The following LHX4 variants were observed in gnomAD, a reference collection of about 807,000 sequenced individuals.
LHX4 encodes LIM/homeobox protein Lhx4.
In LHX4, 16 loss-of-function variants were observed where a neutral mutation model predicts 39.2. The observed-to-expected ratio is 0.41, with a 90% CI of 0.28 to 0.62. The LOEUF (loss-of-function observed/expected upper bound fraction) is 0.62. Among genes scored for constraint, LHX4 ranks in the 20% least tolerant of loss-of-function variants. The probability of loss-of-function intolerance (pLI) is 0.33; values close to 1 mark genes in which losing one functional copy is unlikely to be tolerated. For synonymous variants in LHX4, 206 were observed against 198.1 expected, an observed-to-expected ratio of 1.04 and a Z score of -0.33; for missense variants, 439 against 511.9, an observed-to-expected ratio of 0.86 and a Z score of 1.37.
chr1:180,238,984 A>G (rs1419177444), intron 1 of LHX4, among the ~76,000 whole-genome samples: 1 of 152,210 alleles, frequency 6.6e-6, no homozygotes, highest in Non-Finnish European at 1.5e-5. Context: ...TGACCAGAAA[A>G]CAGGATTTTA....
At position 180,277,363 on chromosome 1, in the gene LHX4, T is replaced by C. The variant is rs1443985930; in HGVS notation, c.*2784T>C. 6.6e-6 allele frequency: 1 copy of C among 152,206 alleles called. No individual in the cohort carries two copies. The highest frequency in any genetic ancestry group is 2.4e-5 in the African/African-American group (1 of 41,446). 9.4% of individuals were successfully genotyped at this position (152,206 alleles called of 1,614,324 possible). A position where few individuals can be genotyped will look rare whatever the true frequency, so the allele number is the denominator to read the frequency against. On this transcript the variant is annotated 3_prime_UTR_variant, in exon 6 of 6. Coordinates refer to ENST00000263726, the MANE Select transcript of LHX4 (RefSeq NM_033343.4). The stretch of plus-strand genomic sequence containing the variant: ...GGTATAAGGTGCTACATGGTAGCTG[T>C]TTCCCCCCTTGCTAAAATGACATGG...
chr1:180,267,417 C>T (rs1648367292), intron 3 of LHX4, among the ~76,000 whole-genome samples: 1 of 152,256 alleles, frequency 6.6e-6, no homozygotes, highest in African/African-American at 2.4e-5. Context: ...TTGGGCAGCC[C>T]GGGGACTTTC....
chr1:180,252,134 TG>T (rs1327714970), intron 2 of LHX4, among the ~76,000 whole-genome samples: 1 of 152,186 alleles, frequency 6.6e-6, no homozygotes, highest in East Asian at 1.9e-4. Context: ...GCTGGCCACC[TG>T]GGGCTCTGGG....
chr1:180,258,681 A>G (rs1647974927), intron 2 of LHX4, among the ~76,000 whole-genome samples: 3 of 152,034 alleles, frequency 2.0e-5, no homozygotes, highest in Non-Finnish European at 2.9e-5. Context: ...GTTCACTTCT[A>G]TTGTCTCACC....
upstream of LHX4, among the ~76,000 whole-genome samples, chr1:180,229,967 G>GGGGGGC (rs1422396560): frequency 2.5e-4 from 32 of 126,616 alleles, no homozygotes; most frequent in Non-Finnish European, 4.1e-4. Context: ...GGCGGGGAGG[G>GGGGGGC]GGGGGGGGTG....
rs1163188603 is a variant in LHX4, at chr1:180,272,108, T to C, written c.778+102T>C. 24 of 1,057,902 alleles carry C rather than the reference T, an allele frequency of 2.3e-5. No individual in the cohort carries two copies. In the Admixed American group the frequency reaches 6.5e-4, roughly 29 times the overall value. 65.5% of individuals were successfully genotyped at this position (1,057,902 alleles called of 1,614,324 possible). A position where few individuals can be genotyped will look rare whatever the true frequency, so the allele number is the denominator to read the frequency against. On this transcript the variant is annotated intron_variant, in intron 5 of 5. Transcript: ENST00000263726. Reference sequence around the variant, plus strand: ...GGATCTTTCTTGAGGCCTTGGCAACTCCCTCCTGAACACAGGCTTTTCCTT... The same window carrying C: ...GGATCTTTCTTGAGGCCTTGGCAACCCCCTCCTGAACACAGGCTTTTCCTT...
chr1:180,262,824 G>T (rs1648163462), intron 2 of LHX4, among the ~76,000 whole-genome samples: 1 of 152,114 alleles, frequency 6.6e-6, no homozygotes, highest in African/African-American at 2.4e-5. Context: ...TCATTCATTG[G>T]GTCTTTGTGG....
At chr1:180,243,225 A>G (rs1297161349) in intron 1 of LHX4, among the ~76,000 whole-genome samples, 1 of 151,864 alleles carries the variant, frequency 6.6e-6, no homozygotes, top group African/African-American at 2.4e-5. Context: ...CCGGCCTCAA[A>G]TGATCTGCCT....
chr1:180,249,283 A>C (rs1481736588), intron 2 of LHX4, among the ~76,000 whole-genome samples: 1 of 152,230 alleles, frequency 6.6e-6, no homozygotes, highest in Non-Finnish European at 1.5e-5. Context: ...GGGGTTCATC[A>C]AAAACTTCCT....
rs1664276853 is a variant in LHX4 at position 180,234,950 on chromosome 1, T to C, written c.76+4345T>C. On this transcript the variant is annotated intron_variant, in intron 1 of 5. Coordinates refer to ENST00000263726, the MANE Select transcript of LHX4 (RefSeq NM_033343.4). The surrounding 1 kb of genome is among the most constrained non-coding windows in gnomAD (Gnocchi z 4.8). ...GGTGGCCCGGGGAACAGACGATGAATTCTTTAAATGAGCGTTTGCTGCGCA... is the reference window on the plus strand; with the variant it reads ...GGTGGCCCGGGGAACAGACGATGAACTCTTTAAATGAGCGTTTGCTGCGCA... Among the ~76,000 whole-genome samples, 1 of 152,120 alleles carries C rather than the reference T, an allele frequency of 6.6e-6. No individual in the cohort carries two copies. The highest frequency in any genetic ancestry group is 6.5e-5 in the Admixed American group (1 of 15,282).
At chr1:180,268,895 T>G (rs1019731699) in intron 3 of LHX4, among the ~76,000 whole-genome samples, 4 of 152,138 alleles carry the variant, frequency 2.6e-5, no homozygotes, top group Admixed American at 1.3e-4. Context: ...TAATTCCTCC[T>G]TGCTACTCTC....
At chr1:180,241,167 G>C (rs1165581747) in intron 1 of LHX4, among the ~76,000 whole-genome samples, 2 of 152,206 alleles carry the variant, frequency 1.3e-5, no homozygotes, top group Admixed American at 1.3e-4. Context: ...TGTTCGGAGA[G>C]ACCAAGATTT....
intron 1 of LHX4, among the ~76,000 whole-genome samples, chr1:180,244,031 G>A (rs527611708): frequency 2.8e-4 from 43 of 152,256 alleles, no homozygotes; most frequent in South Asian, 2.7e-3. Context: ...TGGGCACATC[G>A]CCTGATCTCG....
chr1:180,274,636 T>A lies in LHX4; in HGVS notation c.*57T>A. The A allele has an allele frequency of 6.7e-6, 10 of 1,491,646 alleles. No homozygotes were observed. The highest frequency in any genetic ancestry group is 8.9e-6 in the Non-Finnish European group (10 of 1,123,162). 92.4% of individuals were successfully genotyped at this position (1,491,646 alleles called of 1,614,324 possible). On this transcript the variant is annotated 3_prime_UTR_variant, in exon 6 of 6. Transcript: ENST00000263726. ...TGGCTTGAGAGAATATCTTCAAGGA[T>A]CAAAAGAGACTTGCCTTTTAAGGAT...
Position 180,230,605 on chromosome 1 carries a change from C to T in LHX4, c.76C>T (p.Gln26Ter). Residue 26 changes from glutamine to a stop codon, truncating the protein, a stop_gained and splice_region_variant, in exon 1 of 6, where the codon CAG becomes TAG. Coordinates refer to ENST00000263726, the MANE Select transcript of LHX4 (RefSeq NM_033343.4). LOFTEE classifies it high-confidence loss of function. The surrounding 1 kb of genome is among the most constrained non-coding windows in gnomAD (Gnocchi z 5.8). Reference protein sequence around the residue: ...LPEMLGVPMQQIPQCAGCNQH... With the variant: ...LPEMLGVPMQ ...GGAGATGCTAGGTGTGCCGATGCAA[C>T]GTAAGACACCCCCCTTTCTCGCTGA... 1 of 1,612,324 alleles carries T rather than the reference C, an allele frequency of 6.2e-7. No homozygotes were observed. Among genetic ancestry groups the T allele is most frequent in the Non-Finnish European group, 8.5e-7 (1 of 1,178,616 alleles).
upstream of LHX4, among the ~76,000 whole-genome samples, chr1:180,229,963 G>GGGGGCGGGGGGGGC (rs1558204889): frequency 1.3e-5 from 1 of 78,230 alleles, no homozygotes; most frequent in Non-Finnish European, 2.8e-5. Context: ...CGGAGGCGGG[G>GGGGGCGGGGGGGGC]AGGGGGGGGG....
chr1:180,265,441 C>T (rs1436418393), intron 2 of LHX4, among the ~76,000 whole-genome samples: 11 of 152,148 alleles, frequency 7.2e-5, no homozygotes, highest in Admixed American at 7.2e-4. Context: ...CATCGGTGTG[C>T]CTCTGTTGAT....
At position 180,277,278 on chromosome 1, in the gene LHX4, C is replaced by T. The variant is rs1190388860; in HGVS notation, c.*2699C>T. 3.9e-5 allele frequency: 6 copies of T among 152,226 alleles called. No homozygotes were observed. The highest frequency in any genetic ancestry group is 8.8e-5 in the Non-Finnish European group (6 of 68,062). 9.4% of individuals were successfully genotyped at this position (152,226 alleles called of 1,614,324 possible). The stretch of plus-strand genomic sequence containing the variant: ...GGTTTGGAAATGGAGAAAAGCCGGG[C>T]ATTCATTACTTTTAGCTTCTCTTAG... On this transcript the variant is annotated 3_prime_UTR_variant, in exon 6 of 6. Transcript: ENST00000263726.
intron 2 of LHX4, among the ~76,000 whole-genome samples, chr1:180,257,654 G>T (rs568923351): frequency 2.7e-4 from 41 of 152,352 alleles, no homozygotes; most frequent in African/African-American, 9.4e-4. Context: ...ATAGATAAAA[G>T]AAATACATGT....
Sources: gnomAD v4.1 joint callset for allele counts (sites outside exome capture counted in the v4.1 genomes callset) on GRCh38, gnomAD v4.1.1 for gene constraint, Gnocchi (gnomAD v3.1) non-coding constraint, MANE v1.5 for transcripts, NCBI Gene and HGNC (gene_info 2026-07-23, HGNC 2026-07-21) for gene names.